Variants in VANGL1 observed in about 807,000 individuals in gnomAD.
VANGL1 encodes the protein vang-like protein 1.
In VANGL1, 18 loss-of-function variants were observed where a neutral mutation model predicts 48.4. The observed-to-expected ratio is 0.37, with a 90% CI of 0.26 to 0.55. VANGL1 has a LOEUF of 0.55. Among genes scored for constraint, VANGL1 ranks in the 20% least tolerant of loss-of-function variants. VANGL1 has a pLI of 0.81. For synonymous variants in VANGL1, 257 were observed against 261.8 expected, an observed-to-expected ratio of 0.98 and a Z score of 0.18; for missense variants, 667 against 675.8, an observed-to-expected ratio of 0.99 and a Z score of 0.14.
At position 115,688,453 on chromosome 1, in the gene VANGL1, G is replaced by T. The variant is rs1331637965; in HGVS notation, c.1315-2666G>T. Reference sequence around the variant, plus strand: ...CACTTTGCACCAACAGAGCTGAGTAGTTGTGACAGAATATGGCTTGAAACG... The same window carrying T: ...CACTTTGCACCAACAGAGCTGAGTATTTGTGACAGAATATGGCTTGAAACG... On this transcript the variant is annotated intron_variant, in intron 7 of 7. Transcript: ENST00000355485. Among the ~76,000 whole-genome samples, 2 of 139,200 alleles carry T rather than the reference G, an allele frequency of 1.4e-5. 1 individual carries two copies. Among genetic ancestry groups the T allele is most frequent in the Non-Finnish European group, 3.1e-5 (2 of 63,516 alleles). 91.3% of individuals were successfully genotyped at this position (139,200 alleles called of 152,430 possible).
intron 7 of VANGL1, 81 bp from the exon 8 acceptor site, chr1:115,691,038 G>C (rs79534902): frequency 6.2e-7 from 1 of 1,602,138 alleles, no homozygotes; most frequent in Non-Finnish European, 8.5e-7. Context: ...CTTTATAGAT[G>C]TGAGAGTGGA....
rs1201227543 is a variant in VANGL1, at chr1:115,692,162, TC to T, written c.*786del. The stretch of plus-strand genomic sequence containing the variant: ...GGCTCTGTGTGAAGCCTCAAGTCAG[TC>T]CCAGCATTGTTTCCATAGGGAAGTG... On this transcript the variant is annotated 3_prime_UTR_variant, in exon 8 of 8. Coordinates refer to ENST00000355485, the MANE Select transcript of VANGL1 (RefSeq NM_138959.3). The T allele has an allele frequency of 1.3e-5, 2 of 152,620 alleles. No individual in the cohort carries two copies. The highest frequency in any genetic ancestry group is 2.9e-5 in the Non-Finnish European group (2 of 68,294). 9.5% of individuals were successfully genotyped at this position (152,620 alleles called of 1,614,324 possible).
In VANGL1 at chr1:115,696,638, T is replaced by A. The variant is rs1272313643; in HGVS notation, c.*5259T>A. 1 of 152,230 alleles carries A rather than the reference T, an allele frequency of 6.6e-6. No individual in the cohort carries two copies. Among genetic ancestry groups the A allele is most frequent in the Non-Finnish European group, 1.5e-5 (1 of 68,034 alleles). The allele number at this position is 152,230 out of a possible 1,614,324, so 9.4% of individuals were successfully genotyped here. On this transcript the variant is annotated 3_prime_UTR_variant, in exon 8 of 8. Coordinates refer to ENST00000355485, the MANE Select transcript of VANGL1 (RefSeq NM_138959.3). ...AATAAAATTAAATTTCAGGGCTCTA[T>A]AAGTCCCGTTTTCCCAGGTCCTGTT...
chr1:115,663,404 A>G (rs1052551707), intron 3 of VANGL1, among the ~76,000 whole-genome samples: 1 of 152,236 alleles, frequency 6.6e-6, no homozygotes, highest in Non-Finnish European at 1.5e-5. Context: ...TGTTATGTCA[A>G]TGAATCAGCC....
chr1:115,663,936 C>G lies in VANGL1; in HGVS notation c.480C>G (p.Leu160=), dbSNP rs750845040. 1.2e-6 allele frequency: 2 copies of G among 1,614,196 alleles called. No individual in the cohort carries two copies. The highest frequency in any genetic ancestry group is 1.1e-5 in the South Asian group (1 of 91,080). Reference sequence around the variant, plus strand: ...TCTTTATCTCCATGGCATTCAAACTCCTCATTCTGCTCATAGGGACCTGGG... The same window carrying G: ...TCTTTATCTCCATGGCATTCAAACTGCTCATTCTGCTCATAGGGACCTGGG... ...EGLFISMAFK[L]LILLIGTWAL... Residue 160 remains leucine, a synonymous_variant, in exon 4 of 8, where the codon CTC becomes CTG. Coordinates refer to ENST00000355485, the MANE Select transcript of VANGL1 (RefSeq NM_138959.3).
rs535694641 is a variant in VANGL1, at chr1:115,656,079, G to A, written c.72-3562G>A. ...CCCTTGGTAGCATGACCAGTACCTGGCGCAGTGCTAGTGCTGAGCTGACAG... is the reference window on the plus strand; with the variant it reads ...CCCTTGGTAGCATGACCAGTACCTGACGCAGTGCTAGTGCTGAGCTGACAG... On this transcript the variant is annotated intron_variant, in intron 2 of 7. Coordinates refer to ENST00000355485, the MANE Select transcript of VANGL1 (RefSeq NM_138959.3). 6.6e-5 allele frequency among the ~76,000 whole-genome samples: 10 copies of A among 152,268 alleles called. No individual in the cohort carries two copies. The South Asian group carries it at 1.0e-3, about 16-fold the overall frequency.
At position 115,672,346 on chromosome 1, in the gene VANGL1, G is replaced by A. The variant is rs372058672; in HGVS notation, c.812+8078G>A. On this transcript the variant is annotated intron_variant, in intron 4 of 7. Coordinates refer to ENST00000355485, the MANE Select transcript of VANGL1 (RefSeq NM_138959.3). ...AACCAAAAGCCAGGTACGCTTTCCA[G>A]CCTTCCGATATTGGTTCAAAGAATT... Among the ~76,000 whole-genome samples the A allele has an allele frequency of 3.3e-5, 5 of 152,278 alleles. No individual in the cohort carries two copies. In the South Asian group the frequency reaches 1.0e-3, roughly 32 times the overall value.
At chr1:115,664,306 A>AT (rs771310807) in intron 4 of VANGL1, 38 bp downstream of exon 4, 97 of 1,606,438 alleles carry the variant, frequency 6.0e-5, no homozygotes, top group Non-Finnish European at 7.6e-5. Context: ...AGGATGGCTG[A>AT]TGTCTTGCTG....
intron 4 of VANGL1, among the ~76,000 whole-genome samples, chr1:115,678,183 T>G (rs61310474): frequency 0.017 from 2,527 of 152,298 alleles, 60 homozygotes; most frequent in African/African-American, 0.053. Flanking sequence ...ATATCACAAG[T>G]CATGTGTCAT....
chr1:115,689,258 G>T (rs1413116987), intron 7 of VANGL1, among the ~76,000 whole-genome samples: 1 of 136,918 alleles, frequency 7.3e-6, no homozygotes, highest in Non-Finnish European at 1.6e-5. Context: ...AGTATGCAAG[G>T]CCTTACTTTT....
chr1:115,674,080 CTGT>C (rs1372232940), intron 4 of VANGL1, among the ~76,000 whole-genome samples: 1 of 152,210 alleles, frequency 6.6e-6, no homozygotes, highest in East Asian at 1.9e-4. Context: ...AACACTGACC[CTGT>C]TGCTCTATTG....
rs1277586380 is a variant in VANGL1 at position 115,663,747 on chromosome 1, G to A, written c.291G>A (p.Lys97=). Residue 97 remains lysine (K), a synonymous_variant, in exon 4 of 8, where the codon AAG becomes AAA. Coordinates refer to ENST00000355485, the MANE Select transcript of VANGL1 (RefSeq NM_138959.3). The stretch of plus-strand genomic sequence containing the variant: ...AAGAGGACATTGCCAGGATCAGCAA[G>A]GACATGGAGGACAGCGTGGGGCTGG... ...ISQEDIARIS[K]DMEDSVGLDC... 6 of 1,614,100 alleles carry A rather than the reference G, an allele frequency of 3.7e-6. No homozygotes were observed. Among genetic ancestry groups the A allele is most frequent in the African/African-American group, 2.7e-5 (2 of 74,940 alleles).
At chr1:115,666,026 C>A (rs1652769277) in intron 4 of VANGL1, among the ~76,000 whole-genome samples, 1 of 152,068 alleles carries the variant, frequency 6.6e-6, no homozygotes, top group South Asian at 2.1e-4. Context: ...ATTGTGGCAG[C>A]AATAAAGCCG....
intron 4 of VANGL1, among the ~76,000 whole-genome samples, chr1:115,676,637 T>A (rs1163613955): frequency 6.6e-6 from 1 of 152,236 alleles, no homozygotes; most frequent in Non-Finnish European, 1.5e-5. Context: ...CTCCAGTATT[T>A]TTCCTGGTAT....
intron 4 of VANGL1, among the ~76,000 whole-genome samples, chr1:115,675,815 AC>A (rs1295411952): frequency 2.0e-5 from 3 of 152,292 alleles, no homozygotes; most frequent in African/African-American, 7.2e-5. Context: ...ATTAAAAAAA[AC>A]AATTGGTATA....
rs1653853268 is a variant in VANGL1, at chr1:115,691,913, C to T, written c.*534C>T. The T allele has an allele frequency of 6.5e-6, 1 of 154,000 alleles. No homozygotes were observed. Among genetic ancestry groups the T allele is most frequent in the African/African-American group, 2.4e-5 (1 of 41,476 alleles). The allele number at this position is 154,000 out of a possible 1,614,324, so 9.5% of individuals were successfully genotyped here. A position where few individuals can be genotyped will look rare whatever the true frequency, so the allele number is the denominator to read the frequency against. ...TTGTTCTTTGTTGCCTTAGGTTCTT[C>T]AGAGAAAGATCACAACAAAAAATGT... On this transcript the variant is annotated 3_prime_UTR_variant, in exon 8 of 8. Coordinates refer to ENST00000355485, the MANE Select transcript of VANGL1 (RefSeq NM_138959.3).
In VANGL1 at chr1:115,678,021, G is replaced by C. The variant is rs143751450; in HGVS notation, c.813-4343G>C. On this transcript the variant is annotated intron_variant, in intron 4 of 7. Coordinates refer to ENST00000355485, the MANE Select transcript of VANGL1 (RefSeq NM_138959.3). ...CATATTCAAGACTGATCTTAGGCCT[G>C]TGGGAATTCTAAGATTGCATGAACA... Among the ~76,000 whole-genome samples the C allele has an allele frequency of 5.9e-5, 9 of 152,332 alleles. No homozygotes were observed. In the East Asian group the frequency reaches 1.7e-3, roughly 29 times the overall value.
intron 4 of VANGL1, among the ~76,000 whole-genome samples, chr1:115,678,953 A>G (rs1653270988): frequency 6.8e-6 from 1 of 148,114 alleles, no homozygotes; most frequent in Non-Finnish European, 1.5e-5. Context: ...GACTGTCTCA[A>G]AAAAAAAAAA....
intron 4 of VANGL1, among the ~76,000 whole-genome samples, chr1:115,677,529 G>A (rs1272548250): frequency 1.3e-5 from 2 of 152,208 alleles, no homozygotes; most frequent in Non-Finnish European, 2.9e-5. Context: ...CTAGACTGAA[G>A]CCTATTGAGG....
Sources: allele counts gnomAD v4.1 joint callset (sites outside exome capture counted in the v4.1 genomes callset), GRCh38; gene constraint gnomAD v4.1.1; transcripts MANE v1.5; gene names NCBI Gene and HGNC (gene_info 2026-07-23, HGNC 2026-07-21).